The following KATNIP variants were observed in gnomAD, a reference collection of about 807,000 sequenced individuals.
The protein encoded by KATNIP is katanin-interacting protein.
In KATNIP, 126 loss-of-function variants were observed where a neutral mutation model predicts 174.0. The observed-to-expected ratio is 0.72, with a 90% CI of 0.63 to 0.84. KATNIP has a LOEUF of 0.84. KATNIP is among the 40% of genes least tolerant of loss of function. The pLI is 0.00. For synonymous variants in KATNIP, 810 were observed against 835.7 expected, an observed-to-expected ratio of 0.97 and a Z score of 0.53; for missense variants, 1,958 against 2,109.7, an observed-to-expected ratio of 0.93 and a Z score of 1.41.
At chr16:27,602,160 G>A (rs1379434493) in intron 2 of KATNIP, among the ~76,000 whole-genome samples, 4 of 152,090 alleles carry the variant, frequency 2.6e-5, no homozygotes, top group Non-Finnish European at 4.4e-5. Context: ...CTCCTGGGCT[G>A]TCCTCAGGCA....
At chr16:27,747,363 G>A (rs1057407663) in intron 15 of KATNIP, among the ~76,000 whole-genome samples, 9 of 152,068 alleles carry the variant, frequency 5.9e-5, no homozygotes, top group South Asian at 2.1e-4. Flanking sequence ...GGAGTCTTAC[G>A]GATGCAAAGG....
chr16:27,721,783 A>G, intron 14 of KATNIP, 88 bp downstream of exon 14: 1 of 1,463,800 alleles, frequency 6.8e-7, no homozygotes, highest in Middle Eastern at 2.0e-4. Flanking sequence ...TAAAGTTGCA[A>G]AATGGATACA....
intron 14 of KATNIP, among the ~76,000 whole-genome samples, chr16:27,733,849 C>T (rs944530688): frequency 1.3e-5 from 2 of 152,090 alleles, no homozygotes; most frequent in Non-Finnish European, 2.9e-5. Flanking sequence ...AATCCAGACT[C>T]GCAGAATCTT....
At chr16:27,638,774 C>G (rs1164733434) in intron 5 of KATNIP, among the ~76,000 whole-genome samples, 2 of 152,036 alleles carry the variant, frequency 1.3e-5, no homozygotes, top group African/African-American at 4.8e-5. Context: ...TATTCACAGT[C>G]CACACAGCCC....
At chr16:27,733,564 GACACACAC>G (rs10558929) in intron 14 of KATNIP, among the ~76,000 whole-genome samples, 17,525 of 143,320 alleles carry the variant, frequency 0.12, 1,136 homozygotes, top group Middle Eastern at 0.19. Context: ...AAACAAGAAG[GACACACAC>G]ACACACACAC....
At chr16:27,601,645 A>C (rs1442462269) in intron 2 of KATNIP, among the ~76,000 whole-genome samples, 2 of 152,144 alleles carry the variant, frequency 1.3e-5, no homozygotes, top group East Asian at 3.9e-4. Flanking sequence ...AGCCAGAAGG[A>C]CCATGTGGCT....
chr16:27,625,945 G>A (rs748966797), intron 3 of KATNIP, among the ~76,000 whole-genome samples: 1 of 151,544 alleles, frequency 6.6e-6, no homozygotes, highest in Non-Finnish European at 1.5e-5. Flanking sequence ...AACCTCCCCA[G>A]TTCAAGCCAT....
Position 27,774,942 on chromosome 16 carries a change from C to A in KATNIP, c.4310-3C>A. 1 of 1,613,892 alleles carries A rather than the reference C, an allele frequency of 6.2e-7. No homozygotes were observed. Among genetic ancestry groups the A allele is most frequent in the Non-Finnish European group, 8.5e-7 (1 of 1,179,942 alleles). On this transcript the variant is annotated splice_polypyrimidine_tract_variant and splice_region_variant and intron_variant, in intron 23 of 27. Coordinates refer to ENST00000261588, the MANE Select transcript of KATNIP (RefSeq NM_015202.5). ...GGTTATGGCAACTTAGACGTCTCCT[C>A]AGATATTGCGGCCTTCCCCGACAGC...
chr16:27,699,636 G>T (rs749605604), intron 10 of KATNIP, 37 bp downstream of exon 10: 61 of 1,613,212 alleles, frequency 3.8e-5, no homozygotes, highest in Admixed American at 2.5e-4. Context: ...AAAGCCCCAC[G>T]CATGTGCGTA....
chr16:27,696,263 A>G (rs2142959771), intron 8 of KATNIP, among the ~76,000 whole-genome samples: 1 of 152,334 alleles, frequency 6.6e-6, no homozygotes, highest in South Asian at 2.1e-4. Flanking sequence ...AACATTATAT[A>G]TTATTCTTTA....
chr16:27,706,424 T>C (rs2079305727), intron 12 of KATNIP, among the ~76,000 whole-genome samples: 1 of 152,192 alleles, frequency 6.6e-6, no homozygotes, highest in South Asian at 2.1e-4. Flanking sequence ...AAAGGGTCAG[T>C]TCCCCTATGC....
chr16:27,667,854 T>C (rs965825939), intron 6 of KATNIP, among the ~76,000 whole-genome samples: 2 of 152,212 alleles, frequency 1.3e-5, no homozygotes, highest in Non-Finnish European at 2.9e-5. Flanking sequence ...AGCCTTTTTT[T>C]TGTGAGCTAA....
chr16:27,660,316 A>G (rs994711288), intron 6 of KATNIP, among the ~76,000 whole-genome samples: 6 of 152,242 alleles, frequency 3.9e-5, no homozygotes, highest in African/African-American at 1.4e-4. Flanking sequence ...TGGGAGGCCA[A>G]GGTGGGCGGA....
Position 27,698,323 on chromosome 16 carries a change from C to A in KATNIP, c.941-5C>A. 6.2e-7 allele frequency: 1 copy of A among 1,606,148 alleles called. No homozygotes were observed. Among genetic ancestry groups the A allele is most frequent in the Non-Finnish European group, 8.5e-7 (1 of 1,174,686 alleles). On this transcript the variant is annotated splice_polypyrimidine_tract_variant and splice_region_variant and intron_variant, in intron 8 of 27. Transcript: ENST00000261588. ...AAAGAACGTCCCCCTGTCTTCTGCC[C>A]TCAGGACCTGGAAGCCGGCGAGAGA...
chr16:27,676,691 G>T (rs192596570), intron 6 of KATNIP, among the ~76,000 whole-genome samples: 11 of 152,046 alleles, frequency 7.2e-5, no homozygotes, highest in Non-Finnish European at 8.8e-5. Context: ...GTGTGCATGT[G>T]TGTGTGTGTG....
intron 8 of KATNIP, among the ~76,000 whole-genome samples, chr16:27,697,720 G>GGTGT (rs374669532): frequency 9.9e-5 from 15 of 150,930 alleles, no homozygotes; most frequent in African/African-American, 3.7e-4. Context: ...ATCGATAGAG[G>GGTGT]GTGTGTGTGT....
intron 2 of KATNIP, among the ~76,000 whole-genome samples, chr16:27,590,142 C>A (rs139782840): frequency 1.5e-3 from 222 of 151,958 alleles, no homozygotes; most frequent in African/African-American, 5.2e-3. Context: ...CCTCTCTTAT[C>A]CTTCTGATAA....
intron 6 of KATNIP, among the ~76,000 whole-genome samples, chr16:27,676,927 C>T (rs575573564): frequency 6.6e-6 from 1 of 152,318 alleles, no homozygotes; most frequent in East Asian, 1.9e-4. Context: ...TTGCCTCGGC[C>T]TCCCAAAGTG....
At chr16:27,749,443 A>G (rs966573781) in intron 15 of KATNIP, 141 bp from the exon 16 acceptor site, 3 of 993,000 alleles carry the variant, frequency 3.0e-6, no homozygotes, top group Admixed American at 5.4e-5. Context: ...ACAGCCGGGA[A>G]CAACCCCGCT....
Sources: gnomAD v4.1 joint callset for allele counts (sites outside exome capture counted in the v4.1 genomes callset) on GRCh38, gnomAD v4.1.1 for gene constraint, MANE v1.5 for transcripts, NCBI Gene and HGNC (gene_info 2026-07-23, HGNC 2026-07-21) for gene names.